Variants in COL23A1 observed in about 807,000 individuals in gnomAD.
The protein encoded by COL23A1 is collagen alpha-1(XXIII) chain.
COL23A1 carries 97 observed loss-of-function variants against 99.3 expected under a neutral mutation model. The ratio of observed to expected loss-of-function variants is 0.98; its 90% confidence interval spans 0.83 to 1.16. The LOEUF is 1.16. Among genes scored for constraint, COL23A1 ranks in the 50% most tolerant of loss-of-function variants. COL23A1 has a pLI of 0.00. For missense variants in COL23A1, 762 were observed against 757.4 expected, an observed-to-expected ratio of 1.01 and a Z score of -0.07; for synonymous variants, 320 against 308.2, an observed-to-expected ratio of 1.04 and a Z score of -0.40.
At chr5:178,364,795 C>A (rs2127710537) in intron 2 of COL23A1, among the ~76,000 whole-genome samples, 1 of 152,310 alleles carries the variant, frequency 6.6e-6, no homozygotes, top group Middle Eastern at 3.4e-3. Context: ...CCCCATGACT[C>A]TGCTGATGAA....
chr5:178,455,586 G>A (rs1334927576), intron 2 of COL23A1, among the ~76,000 whole-genome samples: 2 of 152,178 alleles, frequency 1.3e-5, no homozygotes, highest in Admixed American at 6.5e-5. Flanking sequence ...CGAGAATCAC[G>A]GGAGTCCCCC....
intron 2 of COL23A1, among the ~76,000 whole-genome samples, chr5:178,420,343 T>TC (rs1765537290): frequency 6.7e-6 from 1 of 149,896 alleles, no homozygotes; most frequent in Non-Finnish European, 1.5e-5. Context: ...AAGCCTCCAC[T>TC]CCCTCCTCCC....
intron 2 of COL23A1, among the ~76,000 whole-genome samples, chr5:178,385,751 G>A (rs763533400): frequency 2.0e-5 from 3 of 152,238 alleles, no homozygotes; most frequent in Non-Finnish European, 4.4e-5. Context: ...CCAATCCAAA[G>A]AGGATGCTCC....
At chr5:178,291,931 GA>G (rs1401471985) in intron 3 of COL23A1, among the ~76,000 whole-genome samples, 1 of 152,164 alleles carries the variant, frequency 6.6e-6, no homozygotes, top group Admixed American at 6.5e-5. Flanking sequence ...AACAGAGCAA[GA>G]TGCTGGCAGC....
chr5:178,553,974 T>C (rs548213535), intron 2 of COL23A1, among the ~76,000 whole-genome samples: 1 of 152,290 alleles, frequency 6.6e-6, no homozygotes, highest in African/African-American at 2.4e-5. Flanking sequence ...GTGAACCCAT[T>C]TGATCCTCAA....
intron 2 of COL23A1, among the ~76,000 whole-genome samples, chr5:178,399,288 A>G (rs1355955748): frequency 2.0e-5 from 3 of 152,102 alleles, no homozygotes; most frequent in African/African-American, 7.2e-5. Flanking sequence ...GAGAAGAGAG[A>G]GAGTCAGGAG....
At chr5:178,517,528 T>C (rs907209314) in intron 2 of COL23A1, among the ~76,000 whole-genome samples, 2 of 146,250 alleles carry the variant, frequency 1.4e-5, no homozygotes, top group Non-Finnish European at 1.5e-5. Flanking sequence ...CTCAACTCTC[T>C]CTTAGGGCTC....
intron 5 of COL23A1, among the ~76,000 whole-genome samples, chr5:178,276,970 C>T (rs1233298944): frequency 6.6e-6 from 1 of 152,192 alleles, no homozygotes; most frequent in Non-Finnish European, 1.5e-5. Flanking sequence ...TGCTCCTTGG[C>T]CTTGCTTGGG....
intron 2 of COL23A1, among the ~76,000 whole-genome samples, chr5:178,383,664 C>A (rs1014606913): frequency 6.6e-6 from 1 of 152,190 alleles, no homozygotes; most frequent in Non-Finnish European, 1.5e-5. Context: ...CCTGGGCCCT[C>A]GGCCTGGAGC....
At chr5:178,490,247 A>C (rs910421388) in intron 2 of COL23A1, among the ~76,000 whole-genome samples, 1 of 152,068 alleles carries the variant, frequency 6.6e-6, no homozygotes, top group Non-Finnish European at 1.5e-5. Flanking sequence ...AAAAACAAAA[A>C]ACAAAAAATG....
intron 12 of COL23A1, among the ~76,000 whole-genome samples, chr5:178,257,962 G>A (rs1338964640): frequency 6.6e-6 from 1 of 152,346 alleles, no homozygotes; most frequent in East Asian, 1.9e-4. Context: ...CACTCTGGTA[G>A]GTCAAGGCGG....
In COL23A1 at chr5:178,589,947, A is replaced by G. The variant is rs1764184172; in HGVS notation, c.251T>C (p.Leu84Pro). ...CAGGTGCGGCTCGGCCCAGGCGTCC[A>G]GGGCGCCTGGCGGCCCCGCGCGCCG... ...LLRRAGPPGA[L>P]DAWAEPHLER... Residue 84 changes from leucine (L) to proline (P), a missense_variant, in exon 1 of 29, where the codon CTG becomes CCG. By Grantham distance (98) the Leu-to-Pro change is moderately conservative. Transcript: ENST00000390654. The surrounding 1 kb of genome is among the most constrained non-coding windows in gnomAD (Gnocchi z 5.4). 3.8e-6 allele frequency: 5 copies of G among 1,329,434 alleles called. No individual in the cohort carries two copies. The highest frequency in any genetic ancestry group is 4.8e-6 in the Non-Finnish European group (5 of 1,047,150). 82.4% of individuals were successfully genotyped at this position (1,329,434 alleles called of 1,614,324 possible).
At chr5:178,302,362 G>C (rs1056452806) in intron 3 of COL23A1, among the ~76,000 whole-genome samples, 1 of 149,816 alleles carries the variant, frequency 6.7e-6, no homozygotes, top group Admixed American at 6.7e-5. Flanking sequence ...GTGCGCCGGA[G>C]CACGGCTTCA....
intron 12 of COL23A1, 62 bp downstream of exon 12, chr5:178,259,659 T>C: frequency 1.4e-6 from 1 of 692,212 alleles, no homozygotes; most frequent in Non-Finnish European, 2.4e-6. Flanking sequence ...TCCCAGCCCC[T>C]GCCCTTCTCT....
In COL23A1 at chr5:178,468,074, G is replaced by A. The variant is rs1756521499; in HGVS notation, c.361+92608C>T. The stretch of plus-strand genomic sequence containing the variant: ...ATCACCTAACAGCCTCTGGGGCGGT[G>A]TGTTCCTTATGTTGGGAGTGGTTTC... On this transcript the variant is annotated intron_variant, in intron 2 of 28. Transcript: ENST00000390654. The surrounding 1 kb of genome is among the most constrained non-coding windows in gnomAD (Gnocchi z 4.2). Among the ~76,000 whole-genome samples, 1 of 152,188 alleles carries A rather than the reference G, an allele frequency of 6.6e-6. No individual in the cohort carries two copies. Among genetic ancestry groups the A allele is most frequent in the South Asian group, 2.1e-4 (1 of 4,828 alleles).
chr5:178,353,956 C>CA (rs1245957082), intron 2 of COL23A1, among the ~76,000 whole-genome samples: 101 of 141,090 alleles, frequency 7.2e-4, no homozygotes, highest in African/African-American at 2.5e-3. Context: ...AAAAAAAAAC[C>CA]AAAAAAACCC....
intron 2 of COL23A1, among the ~76,000 whole-genome samples, chr5:178,528,299 C>T (rs1670894599): frequency 1.3e-5 from 2 of 152,236 alleles, no homozygotes; most frequent in East Asian, 1.9e-4. Context: ...ACACTCCCTA[C>T]AGGGGAGACC....
chr5:178,273,052 C>T (rs946974597), intron 5 of COL23A1, among the ~76,000 whole-genome samples: 3 of 152,192 alleles, frequency 2.0e-5, no homozygotes, highest in Admixed American at 6.5e-5. Context: ...ACTGCAGGCC[C>T]GTGCCGCGGT....
rs1400073476 is a variant in COL23A1 at position 178,281,542 on chromosome 5, C to T, written c.441+6782G>A. Among the ~76,000 whole-genome samples the T allele has an allele frequency of 2.0e-5, 3 of 152,106 alleles. No individual in the cohort carries two copies. The highest frequency in any genetic ancestry group is 2.9e-5 in the Non-Finnish European group (2 of 68,012). On this transcript the variant is annotated intron_variant, in intron 5 of 28. Coordinates refer to ENST00000390654, the MANE Select transcript of COL23A1 (RefSeq NM_173465.4). This position sits in a 1 kb window ranked among gnomAD's most constrained non-coding sequence, Gnocchi z 4.0. ...GGCTTGGGCACGGCGCTCCGGGGCCCAGGAGGTGCCGTGCGTGTGGTTTTG... is the reference window on the plus strand; with the variant it reads ...GGCTTGGGCACGGCGCTCCGGGGCCTAGGAGGTGCCGTGCGTGTGGTTTTG...
Sources: gnomAD v4.1 joint callset for allele counts (sites outside exome capture counted in the v4.1 genomes callset) on GRCh38, gnomAD v4.1.1 for gene constraint, Gnocchi (gnomAD v3.1) non-coding constraint, MANE v1.5 for transcripts, NCBI Gene and HGNC (gene_info 2026-07-23, HGNC 2026-07-21) for gene names.